Variants in HAPSTR1 observed in about 807,000 individuals in gnomAD.
HAPSTR1 encodes HUWE1-associated protein modifying stress responses 1.
the HAPSTR1 span, chr16:9,112,899 AATC>A: frequency 6.6e-6 from 1 of 152,160 alleles, no homozygotes; most frequent in African/African-American, 2.4e-5. Flanking sequence ...TTCTCTGTCT[AATC>A]ATGCTACTTG....
At chr16:9,092,463 G>A in the HAPSTR1 span, among the ~76,000 whole-genome samples, 14 of 152,238 alleles carry the variant, frequency 9.2e-5, no homozygotes, top group Non-Finnish European at 2.1e-4. Flanking sequence ...GGGTTGGGGG[G>A]ACAGGCCAGA....
the HAPSTR1 span, chr16:9,103,078 C>T: frequency 1.2e-6 from 2 of 1,614,116 alleles, no homozygotes; most frequent in Non-Finnish European, 1.7e-6. Context: ...TTAAAAAACG[C>T]AGAAGAACTA....
the HAPSTR1 span, chr16:9,104,505 T>C: frequency 2.0e-5 from 3 of 152,364 alleles, no homozygotes; most frequent in East Asian, 3.9e-4. Flanking sequence ...AAAGAAACTT[T>C]ATAGACGTTG....
the HAPSTR1 span, chr16:9,092,845 T>C: frequency 2.9e-6 from 4 of 1,397,374 alleles, no homozygotes; most frequent in South Asian, 1.3e-5. Flanking sequence ...AATAACATTC[T>C]TGTTCTCTTT....
chr16:9,120,528 G>T, the HAPSTR1 span: 1 of 151,884 alleles, frequency 6.6e-6, no homozygotes, highest in Non-Finnish European at 1.5e-5. Context: ...AGTAGCCTGT[G>T]ACGTAGCAAG....
chr16:9,091,910 G>T, the HAPSTR1 span: 1 of 695,736 alleles, frequency 1.4e-6, no homozygotes, highest in Non-Finnish European at 2.1e-6. Context: ...CAGGAGGCCT[G>T]GGCCGCTGAA....
At chr16:9,114,046 G>T in the HAPSTR1 span, among the ~76,000 whole-genome samples, 2 of 152,208 alleles carry the variant, frequency 1.3e-5, no homozygotes, top group Non-Finnish European at 2.9e-5. Context: ...GAGATGAAAA[G>T]ATATTTTCTA....
the HAPSTR1 span, chr16:9,093,123 A>G: frequency 6.1e-6 from 6 of 981,222 alleles, no homozygotes; most frequent in East Asian, 7.9e-5. Context: ...ATACCTTGCA[A>G]CTTGAGAATC....
the HAPSTR1 span, among the ~76,000 whole-genome samples, chr16:9,114,847 A>G: frequency 1.3e-5 from 2 of 152,246 alleles, no homozygotes; most frequent in Non-Finnish European, 2.9e-5. Context: ...GAATGGAGAT[A>G]TTATAGGTGT....
the HAPSTR1 span, chr16:9,118,349 T>C: frequency 6.6e-6 from 1 of 152,662 alleles, no homozygotes; most frequent in Non-Finnish European, 1.5e-5. Context: ...CAGTAATTAC[T>C]CACAGCACTT....
the HAPSTR1 span, among the ~76,000 whole-genome samples, chr16:9,101,742 ATT>A: frequency 5.5e-3 from 769 of 140,224 alleles, 5 homozygotes; most frequent in African/African-American, 0.018. Flanking sequence ...TGTCTGGATG[ATT>A]TTTTTTTTTT....
the HAPSTR1 span, among the ~76,000 whole-genome samples, chr16:9,114,941 A>G: frequency 2.6e-5 from 4 of 152,152 alleles, no homozygotes; most frequent in East Asian, 7.7e-4. Flanking sequence ...CTAGCCTTGG[A>G]AAGGTTGAGA....
At chr16:9,105,417 A>G in the HAPSTR1 span, 2 of 152,200 alleles carry the variant, frequency 1.3e-5, no homozygotes, top group East Asian at 3.8e-4. Flanking sequence ...GAAAGAATCT[A>G]CAGAAACATA....
At chr16:9,104,832 A>C in the HAPSTR1 span, 2 of 152,300 alleles carry the variant, frequency 1.3e-5, no homozygotes, top group African/African-American at 4.8e-5. Flanking sequence ...AGAGGTGTAC[A>C]TAGTTTGTTA....
At chr16:9,092,312 C>CGCCCGG in the HAPSTR1 span, 28 of 1,433,432 alleles carry the variant, frequency 2.0e-5, no homozygotes, top group African/African-American at 1.2e-4. Context: ...TGGCCGCCCC[C>CGCCCGG]GCCCGGGCCC....
the HAPSTR1 span, chr16:9,106,606 T>G: frequency 6.6e-6 from 1 of 152,078 alleles, no homozygotes; most frequent in Non-Finnish European, 1.5e-5. Context: ...TTATCAAAGC[T>G]ACTTCAATTA....
At chr16:9,116,404 C>T in the HAPSTR1 span, among the ~76,000 whole-genome samples, 3 of 152,164 alleles carry the variant, frequency 2.0e-5, no homozygotes, top group Admixed American at 6.5e-5. Context: ...GATATTTGTA[C>T]ACCTAGCACG....
the HAPSTR1 span, among the ~76,000 whole-genome samples, chr16:9,099,684 C>T: frequency 2.6e-5 from 4 of 152,056 alleles, no homozygotes; most frequent in Non-Finnish European, 4.4e-5. Context: ...GATAGGTACC[C>T]GAAAGTCCAC....
the HAPSTR1 span, among the ~76,000 whole-genome samples, chr16:9,094,418 A>G: frequency 6.6e-6 from 1 of 152,188 alleles, no homozygotes; most frequent in Non-Finnish European, 1.5e-5. Context: ...ATAATACTTA[A>G]TTAAAAAAAA....
Sources: gnomAD v4.1 joint callset for allele counts (sites outside exome capture counted in the v4.1 genomes callset) on GRCh38, gnomAD v4.1.1 for gene constraint, MANE v1.5 for transcripts, NCBI Gene and HGNC (gene_info 2026-07-23, HGNC 2026-07-21) for gene names.